RANBP2: variants seen among roughly 807,000 people sequenced by gnomAD.
RANBP2 encodes RAN binding protein 2.
A neutral mutation model predicts 303.6 loss-of-function variants in RANBP2; 57 were observed. That is an observed-to-expected ratio of 0.19 (90% CI 0.15 to 0.23). The LOEUF (loss-of-function observed/expected upper bound fraction) is 0.23. Ranked by LOEUF, RANBP2 falls within the 10% of genes least tolerant of loss-of-function variation. The probability of loss-of-function intolerance (pLI) is 1.00; values close to 1 mark genes in which losing one functional copy is unlikely to be tolerated. For synonymous variants in RANBP2, 1,167 were observed against 1,301.5 expected, an observed-to-expected ratio of 0.90 and a Z score of 2.23; for missense variants, 3,138 against 3,780.8, an observed-to-expected ratio of 0.83 and a Z score of 4.46.
chr2:108,818,923 G>C, the RANBP2 span, among the ~76,000 whole-genome samples: 6 of 151,882 alleles, frequency 4.0e-5, no homozygotes, highest in Admixed American at 3.3e-4. Context: ...GATATACTGG[G>C]TATACCTTAT....
the RANBP2 span, chr2:109,593,084 AC>A: frequency 1.4e-5 from 22 of 1,601,632 alleles, no homozygotes; most frequent in Non-Finnish European, 1.9e-5. Context: ...GTGAAGACAT[AC>A]AAGTTGTTTT....
chr2:109,524,193 T>C, the RANBP2 span, among the ~76,000 whole-genome samples: 1 of 152,050 alleles, frequency 6.6e-6, no homozygotes. Context: ...AAACTCAGGC[T>C]CAGGGAAGCC....
chr2:109,308,742 G>A, the RANBP2 span, among the ~76,000 whole-genome samples: 3 of 26,030 alleles, frequency 1.2e-4, no homozygotes, highest in Non-Finnish European at 1.1e-4. Context: ...GTAGGTATGC[G>A]GCGTTATTTC....
chr2:108,820,659 C>T, the RANBP2 span, among the ~76,000 whole-genome samples: 5 of 149,382 alleles, frequency 3.3e-5, no homozygotes, highest in African/African-American at 1.2e-4. Context: ...CAGCAGAAAC[C>T]TTGCAGGCCA....
chr2:109,452,790 T>C, the RANBP2 span, among the ~76,000 whole-genome samples: 1 of 142,748 alleles, frequency 7.0e-6, no homozygotes, highest in African/African-American at 2.6e-5. Flanking sequence ...GGCTGGTCCC[T>C]GGGAGGCTGG....
At chr2:108,948,245 C>G in the RANBP2 span, among the ~76,000 whole-genome samples, 2 of 152,224 alleles carry the variant, frequency 1.3e-5, no homozygotes, top group Non-Finnish European at 2.9e-5. Flanking sequence ...TAAGCCTGGA[C>G]TTCATTGTCC....
At position 108,765,087 on chromosome 2, in the gene RANBP2, A is replaced by G; in HGVS notation, c.4548A>G (p.Pro1516=). The G allele has an allele frequency of 6.2e-7, 1 of 1,613,990 alleles. No homozygotes were observed. The highest frequency in any genetic ancestry group is 1.1e-5 in the South Asian group (1 of 91,082). Residue 1516 remains proline, a synonymous_variant, in exon 20 of 29, where the codon CCA becomes CCG. Transcript: ENST00000283195. The stretch of plus-strand genomic sequence containing the variant: ...AGAGTCTACCTGCTACTTCTATTCC[A>G]ACACCTGCCTCTTTTAAGTTTGGTA... ...RKQSLPATSI[P]TPASFKFGTS...
the RANBP2 span, among the ~76,000 whole-genome samples, chr2:109,673,165 G>A: frequency 2.0e-5 from 3 of 152,292 alleles, no homozygotes; most frequent in South Asian, 2.1e-4. Context: ...GCAGAATTAC[G>A]GGATGGTTAA....
At chr2:109,516,357 A>G in the RANBP2 span, among the ~76,000 whole-genome samples, 1 of 152,204 alleles carries the variant, frequency 6.6e-6, no homozygotes, top group Admixed American at 6.5e-5. Context: ...TGTGGCCATG[A>G]CGGGACATGT....
At chr2:109,382,870 A>G in the RANBP2 span, among the ~76,000 whole-genome samples, 1 of 152,012 alleles carries the variant, frequency 6.6e-6, no homozygotes, top group African/African-American at 2.4e-5. Flanking sequence ...CCCTGCCCCA[A>G]TCTGACCTGC....
the RANBP2 span, among the ~76,000 whole-genome samples, chr2:109,285,153 C>T: frequency 6.6e-6 from 1 of 152,228 alleles, no homozygotes; most frequent in African/African-American, 2.4e-5. Context: ...GTGAGGCTTT[C>T]TATGGAAGCT....
At chr2:109,354,288 C>T in the RANBP2 span, among the ~76,000 whole-genome samples, 973 of 152,260 alleles carry the variant, frequency 6.4e-3, 11 homozygotes, top group East Asian at 0.05. Context: ...AGCCCATCAC[C>T]CTGCAGGCCC....
the RANBP2 span, chr2:109,667,348 C>A: frequency 1.9e-6 from 1 of 513,848 alleles, no homozygotes. Context: ...CTCTTGGCAG[C>A]ACACTTTGCA....
chr2:109,748,709 C>G, the RANBP2 span, among the ~76,000 whole-genome samples: 1 of 150,114 alleles, frequency 6.7e-6, no homozygotes, highest in African/African-American at 2.5e-5. Flanking sequence ...CCCATCTCTA[C>G]GAAAAACACA....
At position 108,740,567 on chromosome 2, in the gene RANBP2, A is replaced by G. The variant is rs375251003; in HGVS notation, c.861A>G (p.Gly287=). The change falls in exon 7 of 29, where the codon GGA becomes GGG. Residue 287 remains glycine, a synonymous_variant. Transcript: ENST00000283195. ...CAGCTACTTTCTTAGAAATGAAAGG[A>G]CATTTCTACATGCATGCTGGTTCTC... ...ELSATFLEMK[G]HFYMHAGSLL... is the part of the protein sequence containing the mutation. The G allele has an allele frequency of 6.3e-7, 1 of 1,597,422 alleles. No homozygotes were observed. Among genetic ancestry groups the G allele is most frequent in the African/African-American group, 1.3e-5 (1 of 74,842 alleles).
the RANBP2 span, among the ~76,000 whole-genome samples, chr2:109,425,428 G>A: frequency 6.6e-6 from 1 of 152,208 alleles, no homozygotes; most frequent in African/African-American, 2.4e-5. Context: ...TGCCATCTAG[G>A]ACTTTCATAG....
At chr2:108,864,452 C>T in the RANBP2 span, among the ~76,000 whole-genome samples, 1 of 152,056 alleles carries the variant, frequency 6.6e-6, no homozygotes, top group Admixed American at 6.6e-5. Context: ...TGCTTGATCC[C>T]AGGAGTTTGA....
chr2:109,685,304 G>A, the RANBP2 span, among the ~76,000 whole-genome samples: 2 of 152,146 alleles, frequency 1.3e-5, no homozygotes, highest in Admixed American at 6.5e-5. Context: ...ACATAGGTTC[G>A]CACTTACACC....
At chr2:109,387,400 G>A in the RANBP2 span, among the ~76,000 whole-genome samples, 1 of 152,172 alleles carries the variant, frequency 6.6e-6, no homozygotes, top group African/African-American at 2.4e-5. Context: ...TTCAGCACTA[G>A]TTGACCCCAT....
Sources: allele counts gnomAD v4.1 joint callset (sites outside exome capture counted in the v4.1 genomes callset), GRCh38; gene constraint gnomAD v4.1.1; transcripts MANE v1.5; gene names NCBI Gene and HGNC (gene_info 2026-07-23, HGNC 2026-07-21).